The following MNT variants were observed in gnomAD, a reference collection of about 807,000 sequenced individuals.
MNT encodes the protein max-binding protein MNT.
A neutral mutation model predicts 40.7 loss-of-function variants in MNT; 13 were observed. The observed-to-expected ratio is 0.32, with a 90% CI of 0.21 to 0.51. MNT has a LOEUF of 0.51. Among genes scored for constraint, MNT ranks in the 20% least tolerant of loss-of-function variants. The probability of loss-of-function intolerance (pLI) is 0.98; values close to 1 mark genes in which losing one functional copy is unlikely to be tolerated. For missense variants in MNT, 757 were observed against 792.0 expected (o/e 0.96, Z 0.53); for synonymous variants, 426 against 354.8 (o/e 1.20, Z -2.26).
intron 4 of MNT, chr17:2,391,805 T>C (rs1267662271): frequency 6.6e-6 from 1 of 152,282 alleles, no homozygotes; most frequent in East Asian, 1.9e-4. Context: ...CTGACCATGT[T>C]TGTGTTTGTT....
At position 2,387,049 on chromosome 17, in the gene MNT, C is replaced by A. The variant is rs1231372785; in HGVS notation, c.1601G>T (p.Gly534Val). 6.4e-7 allele frequency: 1 copy of A among 1,555,612 alleles called. No homozygotes were observed. The highest frequency in any genetic ancestry group is 8.7e-7 in the Non-Finnish European group (1 of 1,149,498). Residue 534 changes from glycine (G) to valine (V), a missense_variant, in exon 6 of 6, where the codon GGC (glycine) becomes GTC (valine). By Grantham distance (109) the Gly-to-Val change is moderately radical. Around this residue, in one of 4 missense-constraint regions of MNT, gnomAD observed 345 missense variants for 380.1 expected, o/e 0.91. Transcript: ENST00000174618. ...LSHQQVNGTA[G>V]LGPPATVMAK... ...CATGACAGTAGCCGGGGGCCCCAGG[C>A]CGGCCGTGCCGTTGACTTGCTGGTG...
chr17:2,390,343 G>A (rs2066503308), intron 4 of MNT: 1 of 152,304 alleles, frequency 6.6e-6, no homozygotes, highest in Non-Finnish European at 1.5e-5. Context: ...CATCCCCTAG[G>A]GCGGGGGACC....
intron 4 of MNT, chr17:2,390,659 C>G (rs1200933774): frequency 6.6e-6 from 1 of 152,186 alleles, no homozygotes; most frequent in Non-Finnish European, 1.5e-5. Flanking sequence ...GATCGCTGCA[C>G]TAGGAGCAGT....
At chr17:2,398,424 G>C (rs1277870249) in intron 1 of MNT, among the ~76,000 whole-genome samples, 1 of 152,186 alleles carries the variant, frequency 6.6e-6, no homozygotes, top group Non-Finnish European at 1.5e-5. Context: ...TCCAGAGCTG[G>C]TCCTAGGTCC....
intron 1 of MNT, among the ~76,000 whole-genome samples, chr17:2,398,235 C>A (rs756714191): frequency 2.0e-5 from 3 of 152,270 alleles, no homozygotes; most frequent in Non-Finnish European, 4.4e-5. Flanking sequence ...TGAGCCACCT[C>A]TATGAACACT....
At chr17:2,392,132 G>A (rs1039882526) in intron 4 of MNT, 6 of 152,234 alleles carry the variant, frequency 3.9e-5, no homozygotes, top group South Asian at 2.1e-4. Context: ...ATGCCCATAC[G>A]GCCGCCTTCT....
chr17:2,393,604 GC>G (rs1321082311), intron 4 of MNT, among the ~76,000 whole-genome samples: 2 of 152,170 alleles, frequency 1.3e-5, no homozygotes, highest in Non-Finnish European at 2.9e-5. Flanking sequence ...CGGGGACCAC[GC>G]CCAACCCTCC....
At position 2,394,137 on chromosome 17, in the gene MNT, T is replaced by G; in HGVS notation, c.713A>C (p.Glu238Ala). Residue 238 changes from glutamate to alanine, a missense_variant, in exon 4 of 6, where the codon GAG becomes GCG. Glu to Ala is a moderately radical substitution (Grantham distance 107). Coordinates refer to ENST00000174618, the MANE Select transcript of MNT (RefSeq NM_020310.3). ...LEKNRRAHLK[E>A]CFETLKRNIP... Reference sequence around the variant, plus strand: ...GTTCCGCTTCAGGGTCTCAAAGCACTCTTTCAGATGGGCCCTCCTGAAGAG... The same window carrying G: ...GTTCCGCTTCAGGGTCTCAAAGCACGCTTTCAGATGGGCCCTCCTGAAGAG... 2 of 1,608,150 alleles carry G rather than the reference T, an allele frequency of 1.2e-6. No individual in the cohort carries two copies. The highest frequency in any genetic ancestry group is 1.7e-6 in the Non-Finnish European group (2 of 1,177,816).
At chr17:2,392,924 C>G (rs1397082029) in intron 4 of MNT, among the ~76,000 whole-genome samples, 7 of 152,096 alleles carry the variant, frequency 4.6e-5, no homozygotes, top group African/African-American at 7.2e-5. Context: ...CTGGAGCAGT[C>G]GCGAAGCAGC....
In MNT at chr17:2,395,092, G is replaced by C; in HGVS notation, c.436C>G (p.Pro146Ala). The C allele has an allele frequency of 2.0e-6, 3 of 1,515,198 alleles. No individual in the cohort carries two copies. The highest frequency in any genetic ancestry group is 2.6e-6 in the Non-Finnish European group (3 of 1,132,906). The allele number at this position is 1,515,198 out of a possible 1,614,324, so 93.9% of individuals were successfully genotyped here. A position where few individuals can be genotyped will look rare whatever the true frequency, so the allele number is the denominator to read the frequency against. ...PLPSRPQVPT[P>A]APLLPDSKAT... is the part of the protein sequence containing the mutation. The stretch of plus-strand genomic sequence containing the variant: ...TTCGAGTCCGGCAGTAGGGGAGCAG[G>C]GGTGGGCACCTGCGGCCTGCTGGGC... Residue 146 changes from proline to alanine, a missense_variant, in exon 2 of 6, where the codon CCT becomes GCT. Around this residue, in one of 4 missense-constraint regions of MNT, gnomAD observed 335 missense variants for 291.4 expected, o/e 1.15. Transcript: ENST00000174618.
intron 4 of MNT, among the ~76,000 whole-genome samples, chr17:2,389,055 C>G (rs1412032688): frequency 6.6e-6 from 1 of 151,862 alleles, no homozygotes; most frequent in East Asian, 1.9e-4. Flanking sequence ...CCCGTCTGCC[C>G]TCATCACACA....
chr17:2,387,742 G>A lies in MNT; in HGVS notation c.1001-93C>T, dbSNP rs536267672. The stretch of plus-strand genomic sequence containing the variant: ...CTCGTGGGGGCGTGGGAATGTGATG[G>A]GGCTGGGGCCAGGGCCATCTTTTCT... On this transcript the variant is annotated intron_variant, in intron 5 of 5. Coordinates refer to ENST00000174618, the MANE Select transcript of MNT (RefSeq NM_020310.3). The A allele has an allele frequency of 1.9e-6, 3 of 1,565,128 alleles. No homozygotes were observed. In the South Asian group the frequency reaches 3.4e-5, roughly 18 times the overall value.
intron 4 of MNT, chr17:2,389,673 T>A (rs2151666361): frequency 6.6e-6 from 1 of 152,490 alleles, no homozygotes; most frequent in East Asian, 1.9e-4. Flanking sequence ...TCTCTCCCTG[T>A]ATCTCTCACT....
Position 2,386,143 on chromosome 17 carries a change from T to C in MNT, c.*758A>G, listed in dbSNP as rs2066457464. ...GGGGAAGGACAGCCAAGTCCCTCCT[T>C]CCCCACCTCAGCCTGCCCTCCTGAG... On this transcript the variant is annotated 3_prime_UTR_variant, in exon 6 of 6. Transcript: ENST00000174618. 6.6e-6 allele frequency: 1 copy of C among 152,170 alleles called. No homozygotes were observed. Among genetic ancestry groups the C allele is most frequent in the Non-Finnish European group, 1.5e-5 (1 of 68,030 alleles). The allele number at this position is 152,170 out of a possible 1,614,324, so 9.4% of individuals were successfully genotyped here.
In MNT at chr17:2,394,124, G is replaced by C. The variant is rs776333959; in HGVS notation, c.726C>G (p.Thr242=). Residue 242 remains threonine, a synonymous_variant, in exon 4 of 6, where the codon ACC becomes ACG. Transcript: ENST00000174618. ...RRAHLKECFE[T]LKRNIPNVDD... Reference sequence around the variant, plus strand: ...CCACGTTGGGGATGTTCCGCTTCAGGGTCTCAAAGCACTCTTTCAGATGGG... The same window carrying C: ...CCACGTTGGGGATGTTCCGCTTCAGCGTCTCAAAGCACTCTTTCAGATGGG... 3.7e-6 allele frequency: 6 copies of C among 1,609,648 alleles called. No individual in the cohort carries two copies. Among genetic ancestry groups the C allele is most frequent in the Non-Finnish European group, 5.1e-6 (6 of 1,178,186 alleles).
chr17:2,386,633 G>A lies in MNT; in HGVS notation c.*268C>T, dbSNP rs969412813. The A allele has an allele frequency of 1.2e-5, 5 of 416,508 alleles. No individual in the cohort carries two copies. The highest frequency in any genetic ancestry group is 4.1e-5 in the African/African-American group (2 of 48,936). 25.8% of individuals were successfully genotyped at this position (416,508 alleles called of 1,614,324 possible). A position where few individuals can be genotyped will look rare whatever the true frequency, so the allele number is the denominator to read the frequency against. On this transcript the variant is annotated 3_prime_UTR_variant, in exon 6 of 6. Transcript: ENST00000174618. ...GAGGGTAGGGAGGGGAAGCAGGAGC[G>A]GCACTGGAGCTGGCACTGGGCCGGA...
intron 1 of MNT, among the ~76,000 whole-genome samples, chr17:2,397,057 G>T (rs1201546733): frequency 6.6e-6 from 1 of 152,152 alleles, no homozygotes; most frequent in East Asian, 1.9e-4. Context: ...GGAGGAAGCG[G>T]AGGGGGAAGC....
chr17:2,390,708 CAA>C (rs543778289), intron 4 of MNT: 1 of 152,326 alleles, frequency 6.6e-6, no homozygotes, highest in African/African-American at 2.4e-5. Flanking sequence ...CCAGGCCTGG[CAA>C]AGTCTCCAAC....
In MNT at chr17:2,401,021, C is replaced by T. The variant is rs1400960444; in HGVS notation, c.-309G>A. On this transcript the variant is annotated 5_prime_UTR_variant, in exon 1 of 6. Transcript: ENST00000174618. ...TCCGATGCCTCCCGCCCCGCGGCCCCCGGGAGTCCCGCCGACAAGAAAGGG... is the reference window on the plus strand; with the variant it reads ...TCCGATGCCTCCCGCCCCGCGGCCCTCGGGAGTCCCGCCGACAAGAAAGGG... 1 of 264,810 alleles carries T rather than the reference C, an allele frequency of 3.8e-6. No individual in the cohort carries two copies. The highest frequency in any genetic ancestry group is 7.2e-6 in the Non-Finnish European group (1 of 139,594). The allele number at this position is 264,810 out of a possible 1,614,324, so 16.4% of individuals were successfully genotyped here. A position where few individuals can be genotyped will look rare whatever the true frequency, so the allele number is the denominator to read the frequency against.
Sources: gnomAD v4.1 joint callset for allele counts (sites outside exome capture counted in the v4.1 genomes callset) on GRCh38, gnomAD v4.1.1 for gene constraint, gnomAD v4.1.1 regional missense constraint, MANE v1.5 for transcripts, NCBI Gene and HGNC (gene_info 2026-07-23, HGNC 2026-07-21) for gene names.